The following NFATC1 variants were observed in gnomAD, a reference collection of about 807,000 sequenced individuals.
The protein encoded by NFATC1 is nuclear factor of activated T cells 1.
NFATC1 carries 22 observed loss-of-function variants against 76.0 expected under a neutral mutation model. That is an observed-to-expected ratio of 0.29 (90% confidence interval 0.21 to 0.41). NFATC1 has a LOEUF of 0.41. Ranked by LOEUF, NFATC1 falls within the 10% of genes least tolerant of loss-of-function variation. NFATC1 has a pLI of 1.00. For synonymous variants in NFATC1, 704 were observed against 613.1 expected, an observed-to-expected ratio of 1.15 and a Z score of -2.19; for missense variants, 1,357 against 1,337.7, an observed-to-expected ratio of 1.01 and a Z score of -0.23.
intron 6 of NFATC1, among the ~76,000 whole-genome samples, chr18:79,458,638 C>T (rs1277115014): frequency 2.6e-5 from 4 of 152,238 alleles, no homozygotes; most frequent in Non-Finnish European, 5.9e-5. Flanking sequence ...GGGCAGTTTC[C>T]TACTAAGGAC....
chr18:79,432,642 G>A (rs1015498753), intron 2 of NFATC1, among the ~76,000 whole-genome samples: 3 of 152,206 alleles, frequency 2.0e-5, no homozygotes, highest in South Asian at 4.1e-4. Context: ...TGGCAGAGGC[G>A]CCGGCCTCTT....
chr18:79,417,942 A>G (rs79773816), intron 2 of NFATC1, among the ~76,000 whole-genome samples: 1,686 of 137,072 alleles, frequency 0.012, 23 homozygotes, highest in African/African-American at 0.043. Flanking sequence ...GAGATGGGCT[A>G]TACCAGGAGA....
intron 3 of NFATC1, among the ~76,000 whole-genome samples, chr18:79,442,107 C>T (rs2086999751): frequency 6.6e-6 from 1 of 152,138 alleles, no homozygotes; most frequent in African/African-American, 2.4e-5. Flanking sequence ...GCAAGGTGGT[C>T]CCTGCATGGC....
intron 7 of NFATC1, among the ~76,000 whole-genome samples, chr18:79,463,835 T>C (rs927055792): frequency 1.3e-5 from 2 of 152,212 alleles, no homozygotes; most frequent in Admixed American, 1.3e-4. Context: ...GGTTGCGGGA[T>C]GCAGGATGCC....
At chr18:79,433,400 G>A (rs889717590) in intron 2 of NFATC1, among the ~76,000 whole-genome samples, 179 bp from the exon 3 acceptor site, 6 of 152,324 alleles carry the variant, frequency 3.9e-5, no homozygotes, top group East Asian at 1.9e-4. Context: ...TGGCCGGGCC[G>A]TGGCCACAGG....
chr18:79,436,796 T>C (rs1183404482), intron 3 of NFATC1, among the ~76,000 whole-genome samples: 2 of 152,040 alleles, frequency 1.3e-5, no homozygotes. Flanking sequence ...CATCCGGGGC[T>C]TCTCCCATTT....
chr18:79,491,670 C>T (rs931887551), intron 9 of NFATC1, among the ~76,000 whole-genome samples: 7 of 152,344 alleles, frequency 4.6e-5, no homozygotes, highest in East Asian at 1.9e-4. Context: ...TTCTGCGTTC[C>T]GCTGGCCTGG....
intron 6 of NFATC1, 141 bp from the exon 7 acceptor site, chr18:79,461,170 C>A: frequency 1.1e-6 from 1 of 884,276 alleles, no homozygotes; most frequent in Non-Finnish European, 1.8e-6. Flanking sequence ...CTCGACAAAG[C>A]CCTGGGATGG....
intron 9 of NFATC1, among the ~76,000 whole-genome samples, chr18:79,526,551 C>A (rs1357962414): frequency 6.6e-6 from 1 of 152,244 alleles, no homozygotes; most frequent in South Asian, 2.1e-4. Flanking sequence ...GGGTCTCTGG[C>A]CCCGCAGAGC....
intron 9 of NFATC1, among the ~76,000 whole-genome samples, chr18:79,507,124 A>C (rs1182503110): frequency 6.6e-6 from 1 of 152,168 alleles, no homozygotes; most frequent in East Asian, 1.9e-4. Context: ...CACTGCGGGG[A>C]GGGGGTTATC....
At chr18:79,458,977 C>T (rs189517593) in intron 6 of NFATC1, among the ~76,000 whole-genome samples, 3 of 152,352 alleles carry the variant, frequency 2.0e-5, no homozygotes, top group East Asian at 1.9e-4. Context: ...AAAGCCTGCC[C>T]TCACCCTCAC....
At chr18:79,452,548 G>A (rs1026097436) in intron 6 of NFATC1, among the ~76,000 whole-genome samples, 3 of 152,208 alleles carry the variant, frequency 2.0e-5, no homozygotes, top group Non-Finnish European at 2.9e-5. Flanking sequence ...TGCAGACGCC[G>A]GGCCCCAGCA....
chr18:79,444,229 G>T (rs2087101531), intron 3 of NFATC1, among the ~76,000 whole-genome samples: 1 of 152,146 alleles, frequency 6.6e-6, no homozygotes, highest in African/African-American at 2.4e-5. Flanking sequence ...ACGCTCTGGG[G>T]GGGTGTGCAC....
chr18:79,412,814 T>C (rs1242052450), intron 2 of NFATC1, among the ~76,000 whole-genome samples: 2 of 152,320 alleles, frequency 1.3e-5, no homozygotes, highest in East Asian at 3.9e-4. Context: ...TCAGCTGAGG[T>C]TTCGAGAGAA....
intron 2 of NFATC1, among the ~76,000 whole-genome samples, chr18:79,418,432 G>A (rs1406476905): frequency 1.3e-5 from 2 of 152,208 alleles, no homozygotes; most frequent in Admixed American, 1.3e-4. Flanking sequence ...GAGACCTGGC[G>A]AGCTCAGCCC....
At chr18:79,488,458 A>G (rs557022895) in intron 9 of NFATC1, among the ~76,000 whole-genome samples, 2 of 152,178 alleles carry the variant, frequency 1.3e-5, no homozygotes, top group Non-Finnish European at 2.9e-5. Context: ...CACACACTGG[A>G]GGCCCGTGGC....
At chr18:79,403,283 C>T (rs1340364400) in intron 1 of NFATC1, among the ~76,000 whole-genome samples, 1 of 152,268 alleles carries the variant, frequency 6.6e-6, no homozygotes, top group Non-Finnish European at 1.5e-5. Flanking sequence ...CGAAAGTGCT[C>T]AGCAGGTGCA....
intron 9 of NFATC1, among the ~76,000 whole-genome samples, chr18:79,489,287 T>A (rs1383028232): frequency 6.6e-6 from 1 of 152,028 alleles, no homozygotes; most frequent in Non-Finnish European, 1.5e-5. Flanking sequence ...ATGGAGGGGA[T>A]GGGTCTTGGG....
At chr18:79,435,812 C>T (rs1215751235) in intron 3 of NFATC1, among the ~76,000 whole-genome samples, 4 of 152,180 alleles carry the variant, frequency 2.6e-5, no homozygotes, top group African/African-American at 9.7e-5. Flanking sequence ...AGCAGCGACA[C>T]GGGAGAGGCT....
Sources: gnomAD v4.1 joint callset for allele counts (sites outside exome capture counted in the v4.1 genomes callset) on GRCh38, gnomAD v4.1.1 for gene constraint, MANE v1.5 for transcripts, NCBI Gene and HGNC (gene_info 2026-07-23, HGNC 2026-07-21) for gene names.